The following XKR6 variants were observed in gnomAD, a reference collection of about 807,000 sequenced individuals.
XKR6 encodes the protein XK related 6.
In XKR6, 22 loss-of-function variants were observed where a neutral mutation model predicts 56.7. The ratio of observed to expected loss-of-function variants is 0.39; its 90% confidence interval spans 0.28 to 0.55. The LOEUF (loss-of-function observed/expected upper bound fraction) is 0.55. Among genes scored for constraint, XKR6 ranks in the 20% least tolerant of loss-of-function variants. The probability of loss-of-function intolerance (pLI) is 0.66; values close to 1 mark genes in which losing one functional copy is unlikely to be tolerated. For missense variants in XKR6, 852 were observed against 889.0 expected (o/e 0.96, Z 0.53); for synonymous variants, 524 against 387.8 (o/e 1.35, Z -4.13).
intron 1 of XKR6, among the ~76,000 whole-genome samples, chr8:11,008,236 C>A (rs1402132349): frequency 6.6e-6 from 1 of 152,184 alleles, no homozygotes; most frequent in African/African-American, 2.4e-5. Flanking sequence ...TCCCACCCCA[C>A]CAGCCTCACT....
At chr8:10,986,115 C>G (rs978534917) in intron 1 of XKR6, among the ~76,000 whole-genome samples, 3 of 152,094 alleles carry the variant, frequency 2.0e-5, no homozygotes, top group African/African-American at 4.8e-5. Flanking sequence ...ATTACAAAGA[C>G]CAGAAACAGA....
intron 1 of XKR6, among the ~76,000 whole-genome samples, chr8:10,963,054 G>C (rs1802110966): frequency 6.6e-6 from 1 of 152,164 alleles, no homozygotes; most frequent in African/African-American, 2.4e-5. Flanking sequence ...CACCCCTGCA[G>C]TCAGCAGACT....
intron 1 of XKR6, among the ~76,000 whole-genome samples, chr8:11,142,291 T>C (rs1009225656): frequency 6.6e-6 from 1 of 152,170 alleles, no homozygotes; most frequent in East Asian, 1.9e-4. Context: ...GATATGTAGA[T>C]AATGAACCTG....
At chr8:11,176,861 C>A (rs532995295) in intron 1 of XKR6, among the ~76,000 whole-genome samples, 1 of 152,306 alleles carries the variant, frequency 6.6e-6, no homozygotes, top group East Asian at 1.9e-4. Context: ...GTCTGGCACC[C>A]TGGCAGCAAG....
intron 1 of XKR6, among the ~76,000 whole-genome samples, chr8:11,005,018 T>C (rs925712400): frequency 6.6e-6 from 1 of 152,186 alleles, no homozygotes; most frequent in African/African-American, 2.4e-5. Flanking sequence ...TAGAACAGAA[T>C]GTGGTACAGT....
intron 1 of XKR6, among the ~76,000 whole-genome samples, chr8:11,172,115 A>C (rs1191508129): frequency 1.3e-5 from 2 of 152,094 alleles, no homozygotes; most frequent in African/African-American, 4.8e-5. Context: ...TCAGACCTAT[A>C]ATCCCAGCAC....
intron 1 of XKR6, among the ~76,000 whole-genome samples, chr8:10,989,987 C>A (rs1227402489): frequency 6.6e-6 from 1 of 152,200 alleles, no homozygotes; most frequent in Non-Finnish European, 1.5e-5. Flanking sequence ...GTCTGCAGAG[C>A]AGATGCCAAA....
At chr8:11,013,785 C>T (rs999676962) in intron 1 of XKR6, among the ~76,000 whole-genome samples, 5 of 152,222 alleles carry the variant, frequency 3.3e-5, no homozygotes, top group Non-Finnish European at 5.9e-5. Context: ...AAAGTCAAAA[C>T]CTACTTCAGC....
Position 10,896,703 on chromosome 8 carries a change from C to G in XKR6, c.*1249G>C, listed in dbSNP as rs1054684796. ...AGTCTTTGAAATGGGTCAGTTATTA[C>G]AATTTTGACTTTTTATATATATGTA... is the stretch of plus-strand genomic sequence containing the variant. On this transcript the variant is annotated 3_prime_UTR_variant, in exon 3 of 3. Transcript: ENST00000416569. 1 of 151,722 alleles carries G rather than the reference C, an allele frequency of 6.6e-6. No individual in the cohort carries two copies. Among genetic ancestry groups the G allele is most frequent in the Non-Finnish European group, 1.5e-5 (1 of 67,914 alleles). 9.4% of individuals were successfully genotyped at this position (151,722 alleles called of 1,614,324 possible). A position where few individuals can be genotyped will look rare whatever the true frequency, so the allele number is the denominator to read the frequency against.
At chr8:10,983,025 T>C (rs948428641) in intron 1 of XKR6, among the ~76,000 whole-genome samples, 2 of 152,206 alleles carry the variant, frequency 1.3e-5, no homozygotes, top group African/African-American at 4.8e-5. Context: ...TACAGGGTTG[T>C]AAGCATCAGA....
intron 1 of XKR6, among the ~76,000 whole-genome samples, chr8:10,969,745 C>A (rs114477062): frequency 0.014 from 2,086 of 152,334 alleles, 43 homozygotes; most frequent in African/African-American, 0.047. Context: ...TGGGGCTGAG[C>A]TGGAGGCTGC....
rs1804113774 is a variant in XKR6, at chr8:11,200,013, G to T, written c.764+563C>A. Among the ~76,000 whole-genome samples the T allele has an allele frequency of 6.6e-6, 1 of 152,326 alleles. No homozygotes were observed. Among genetic ancestry groups the T allele is most frequent in the African/African-American group, 2.4e-5 (1 of 41,556 alleles). On this transcript the variant is annotated intron_variant, in intron 1 of 2. Transcript: ENST00000416569. This position sits in a 1 kb window ranked among gnomAD's most constrained non-coding sequence, Gnocchi z 6.4. ...CTTTTTTCCTTCTGGGAAAGCAGTG[G>T]TTTGGAGTCATTCACAGGGGCTGGG... is the stretch of plus-strand genomic sequence containing the variant.
chr8:10,932,624 G>A (rs553206224), intron 1 of XKR6, among the ~76,000 whole-genome samples: 89 of 131,736 alleles, frequency 6.8e-4, no homozygotes, highest in Middle Eastern at 4.1e-3. Flanking sequence ...CCCTTCATGT[G>A]TCCATGTGAT....
In XKR6 at chr8:10,988,715, C is replaced by T. The variant is rs562597909; in HGVS notation, c.765-63885G>A. On this transcript the variant is annotated intron_variant, in intron 1 of 2. Transcript: ENST00000416569. ...GTATCACAGTCACAGAAATCGGCAC[C>T]AACTTGGGGCACCAAAGGAAGAAAA... Among the ~76,000 whole-genome samples, 115 of 152,278 alleles carry T rather than the reference C, an allele frequency of 7.6e-4. 3 individuals are homozygous for T. In the South Asian group the frequency reaches 0.024, roughly 32 times the overall value.
intron 1 of XKR6, among the ~76,000 whole-genome samples, chr8:10,984,732 C>CTCTATATATATATATATATATA: frequency 7.8e-4 from 37 of 47,484 alleles, no homozygotes; most frequent in Non-Finnish European, 1.1e-3. Flanking sequence ...CTCTCTCTCT[C>CTCTATATATATATATATATATA]TATATATATA....
chr8:10,961,036 G>A (rs2129130517), intron 1 of XKR6, among the ~76,000 whole-genome samples: 1 of 152,292 alleles, frequency 6.6e-6, no homozygotes, highest in Admixed American at 6.5e-5. Context: ...CAAAGATCGA[G>A]GGGCAGAGGG....
At chr8:11,091,415 C>T (rs542988711) in intron 1 of XKR6, among the ~76,000 whole-genome samples, 1 of 138,628 alleles carries the variant, frequency 7.2e-6, no homozygotes, top group African/African-American at 2.8e-5. Flanking sequence ...CCAGTCTGGG[C>T]AACAGAATGA....
At chr8:11,182,556 G>T (rs1490687160) in intron 1 of XKR6, among the ~76,000 whole-genome samples, 4 of 152,244 alleles carry the variant, frequency 2.6e-5, no homozygotes, top group African/African-American at 9.6e-5. Flanking sequence ...TGGGTCACCT[G>T]TGTGGATATA....
At chr8:11,082,618 C>A (rs539579652) in intron 1 of XKR6, among the ~76,000 whole-genome samples, 1 of 152,326 alleles carries the variant, frequency 6.6e-6, no homozygotes, top group South Asian at 2.1e-4. Flanking sequence ...GGGGATTCAG[C>A]CTGCAGCCTG....
Sources: gnomAD v4.1 joint callset for allele counts (sites outside exome capture counted in the v4.1 genomes callset) on GRCh38, gnomAD v4.1.1 for gene constraint, Gnocchi (gnomAD v3.1) non-coding constraint, MANE v1.5 for transcripts, NCBI Gene and HGNC (gene_info 2026-07-23, HGNC 2026-07-21) for gene names.